Variants in GALNTL6 observed in about 807,000 individuals in gnomAD.
The protein encoded by GALNTL6 is polypeptide N-acetylgalactosaminyltransferase like 6, also known as polypeptide N-acetylgalactosaminyltransferase-like 6.
A neutral mutation model predicts 73.7 loss-of-function variants in GALNTL6; 46 were observed. The observed-to-expected ratio is 0.62, with a 90% CI of 0.49 to 0.80. The LOEUF is 0.80. Ranked by LOEUF, GALNTL6 falls within the 30% of genes least tolerant of loss-of-function variation. The pLI is 0.00. For synonymous variants in GALNTL6, 259 were observed against 263.7 expected, an observed-to-expected ratio of 0.98 and a Z score of 0.17; for missense variants, 604 against 755.0, an observed-to-expected ratio of 0.80 and a Z score of 2.34.
At chr4:172,700,154 A>C (rs1733945000) in intron 5 of GALNTL6, among the ~76,000 whole-genome samples, 2 of 152,208 alleles carry the variant, frequency 1.3e-5, no homozygotes, top group South Asian at 4.1e-4. Flanking sequence ...ATAACCTTGT[A>C]ATCATATTGA....
intron 5 of GALNTL6, among the ~76,000 whole-genome samples, chr4:172,392,493 C>T (rs1197363983): frequency 2.7e-5 from 4 of 149,940 alleles, no homozygotes; most frequent in South Asian, 4.2e-4. Flanking sequence ...AGAGCAGTCT[C>T]GCTCTGTGGC....
At chr4:171,991,728 GTGTATATATA>G (rs373587826) in intron 2 of GALNTL6, among the ~76,000 whole-genome samples, 11,214 of 126,096 alleles carry the variant, frequency 0.089, 960 homozygotes, top group African/African-American at 0.23. Context: ...GTGTGTGTGT[GTGTATATATA>G]TATATATATA....
chr4:172,344,537 C>G (rs1439682440), intron 4 of GALNTL6, among the ~76,000 whole-genome samples: 1 of 152,164 alleles, frequency 6.6e-6, no homozygotes, highest in African/African-American at 2.4e-5. Flanking sequence ...TTGCCATCTG[C>G]AACACATTGT....
At chr4:172,597,949 G>T (rs1737924706) in intron 5 of GALNTL6, among the ~76,000 whole-genome samples, 1 of 150,468 alleles carries the variant, frequency 6.6e-6, no homozygotes, top group South Asian at 2.1e-4. Context: ...TAAGATATTT[G>T]GCTCAGATTT....
At chr4:172,452,587 G>A (rs1732253079) in intron 5 of GALNTL6, among the ~76,000 whole-genome samples, 1 of 152,042 alleles carries the variant, frequency 6.6e-6, no homozygotes, top group Admixed American at 6.6e-5. Context: ...TCTATTCTTA[G>A]GATACTCAGA....
At chr4:172,080,606 G>A (rs1048882742) in intron 2 of GALNTL6, among the ~76,000 whole-genome samples, 1 of 151,682 alleles carries the variant, frequency 6.6e-6, no homozygotes, top group Non-Finnish European at 1.5e-5. Flanking sequence ...ATATATGTGT[G>A]TATACAAAAT....
chr4:172,255,067 G>A (rs1738025023), intron 3 of GALNTL6, among the ~76,000 whole-genome samples: 1 of 151,496 alleles, frequency 6.6e-6, no homozygotes, highest in Admixed American at 6.6e-5. Context: ...TGTCCTTAAG[G>A]GATAATTTTT....
intron 3 of GALNTL6, among the ~76,000 whole-genome samples, chr4:172,303,134 G>A (rs569884340): frequency 2.0e-5 from 3 of 152,188 alleles, no homozygotes; most frequent in African/African-American, 4.8e-5. Context: ...CGAGTAACTG[G>A]AATTACAGGC....
chr4:172,984,495 G>A (rs931699107), intron 10 of GALNTL6, among the ~76,000 whole-genome samples: 3 of 152,186 alleles, frequency 2.0e-5, no homozygotes, highest in African/African-American at 7.2e-5. Context: ...TGATATTTTG[G>A]GGGGCGGGGA....
At chr4:172,924,263 T>C (rs2653830) in intron 8 of GALNTL6, among the ~76,000 whole-genome samples, 151,972 of 152,296 alleles carry the variant, frequency 1, 75,825 homozygotes, top group Middle Eastern at 1. Context: ...TCATGTAAAG[T>C]TTTCTGCTGT....
chr4:172,018,375 G>A lies in GALNTL6; in HGVS notation c.138+203657G>A, dbSNP rs781057104. Among the ~76,000 whole-genome samples, 9 of 152,184 alleles carry A rather than the reference G, an allele frequency of 5.9e-5. No homozygotes were observed. The South Asian group carries it at 8.3e-4, about 14-fold the overall frequency. On this transcript the variant is annotated intron_variant, in intron 2 of 12. Transcript: ENST00000506823. ...CTGAGCTCAGACTGTCCTTGGGCAG[G>A]GCTTGCTGAGGCCACTGTAGGGGTT...
At chr4:172,562,630 C>T (rs1736415949) in intron 5 of GALNTL6, among the ~76,000 whole-genome samples, 1 of 152,240 alleles carries the variant, frequency 6.6e-6, no homozygotes, top group South Asian at 2.1e-4. Context: ...ATCCCGGCCT[C>T]TTCTCTGACA....
intron 5 of GALNTL6, among the ~76,000 whole-genome samples, chr4:172,704,084 AT>A (rs1734185659): frequency 1.3e-5 from 2 of 151,112 alleles, no homozygotes; most frequent in African/African-American, 4.9e-5. Flanking sequence ...GTTTTCTCTC[AT>A]TTTTTTCTTA....
chr4:172,886,652 A>T (rs1385412097), intron 8 of GALNTL6, among the ~76,000 whole-genome samples: 1 of 152,144 alleles, frequency 6.6e-6, no homozygotes, highest in African/African-American at 2.4e-5. Flanking sequence ...AATCCCAGCT[A>T]CTGGGGAGGC....
At chr4:172,040,125 A>G (rs1280979567) in intron 2 of GALNTL6, among the ~76,000 whole-genome samples, 2 of 151,160 alleles carry the variant, frequency 1.3e-5, no homozygotes, top group Admixed American at 6.7e-5. Flanking sequence ...CTGGTTTTCT[A>G]TAACAATGGC....
intron 2 of GALNTL6, among the ~76,000 whole-genome samples, chr4:171,885,251 T>C (rs1267616158): frequency 6.6e-6 from 1 of 152,178 alleles, no homozygotes. Flanking sequence ...TAGGTTCTTA[T>C]TTTTTCTTTG....
At chr4:171,923,413 T>TG (rs1737855888) in intron 2 of GALNTL6, among the ~76,000 whole-genome samples, 1 of 150,674 alleles carries the variant, frequency 6.6e-6, no homozygotes, top group African/African-American at 2.5e-5. Flanking sequence ...TTTTTTTTTT[T>TG]TTGAGACGGA....
intron 5 of GALNTL6, among the ~76,000 whole-genome samples, chr4:172,363,848 C>A (rs1742462318): frequency 6.6e-6 from 1 of 152,084 alleles, no homozygotes; most frequent in Non-Finnish European, 1.5e-5. Flanking sequence ...GAATTTATTT[C>A]TTCGGTTCCT....
At chr4:171,999,625 C>A (rs1050716294) in intron 2 of GALNTL6, among the ~76,000 whole-genome samples, 1 of 152,034 alleles carries the variant, frequency 6.6e-6, no homozygotes, top group Non-Finnish European at 1.5e-5. Flanking sequence ...CTAAAATGTT[C>A]ATCTCTCTAC....
Sources: gnomAD v4.1 joint callset for allele counts (sites outside exome capture counted in the v4.1 genomes callset) on GRCh38, gnomAD v4.1.1 for gene constraint, MANE v1.5 for transcripts, NCBI Gene and HGNC (gene_info 2026-07-23, HGNC 2026-07-21) for gene names.